The following HCN1 variants were observed in gnomAD, a reference collection of about 807,000 sequenced individuals.
The protein encoded by HCN1 is potassium/sodium hyperpolarization-activated cyclic nucleotide-gated channel 1.
A neutral mutation model predicts 78.9 loss-of-function variants in HCN1; 13 were observed. The observed-to-expected ratio is 0.16, with a 90% CI of 0.11 to 0.26. HCN1 has a LOEUF of 0.26. Ranked by LOEUF, HCN1 falls within the 10% of genes least tolerant of loss-of-function variation. The probability of loss-of-function intolerance (pLI) is 1.00; values close to 1 mark genes in which losing one functional copy is unlikely to be tolerated. For synonymous variants in HCN1, 552 were observed against 455.5 expected (o/e 1.21, Z -2.70); for missense variants, 810 against 1,154.3 (o/e 0.70, Z 4.32).
chr5:45,306,274 T>A (rs557000860), intron 5 of HCN1, among the ~76,000 whole-genome samples: 34 of 152,232 alleles, frequency 2.2e-4, no homozygotes, highest in Non-Finnish European at 4.1e-4. Context: ...TGCAAATGTT[T>A]CACTTCATGG....
intron 3 of HCN1, among the ~76,000 whole-genome samples, chr5:45,443,167 C>A (rs1037120946): frequency 1.3e-5 from 2 of 151,798 alleles, no homozygotes; most frequent in African/African-American, 4.8e-5. Flanking sequence ...TTTTAGATAA[C>A]CATAATATAT....
At chr5:45,654,323 A>T (rs2112045284) in intron 1 of HCN1, among the ~76,000 whole-genome samples, 1 of 152,274 alleles carries the variant, frequency 6.6e-6, no homozygotes, top group African/African-American at 2.4e-5. Context: ...AAAATCCTTA[A>T]TTTAAATTAT....
At chr5:45,349,941 A>T (rs1273194263) in intron 5 of HCN1, among the ~76,000 whole-genome samples, 1 of 152,180 alleles carries the variant, frequency 6.6e-6, no homozygotes, top group African/African-American at 2.4e-5. Context: ...ATTCCACCAG[A>T]GGTACAAGGA....
At chr5:45,373,352 T>G (rs1358941729) in intron 4 of HCN1, among the ~76,000 whole-genome samples, 1 of 119,272 alleles carries the variant, frequency 8.4e-6, no homozygotes, top group African/African-American at 3.3e-5. Flanking sequence ...ATAAAATATA[T>G]ATTTATAAAT....
chr5:45,357,063 G>A (rs1747018831), intron 4 of HCN1, among the ~76,000 whole-genome samples: 1 of 151,858 alleles, frequency 6.6e-6, no homozygotes, highest in Non-Finnish European at 1.5e-5. Context: ...TATCCCACCA[G>A]ATAGACATTG....
intron 4 of HCN1, among the ~76,000 whole-genome samples, chr5:45,394,272 A>G (rs1239816320): frequency 6.6e-6 from 1 of 152,056 alleles, no homozygotes; most frequent in African/African-American, 2.4e-5. Context: ...AGGAGTGCTA[A>G]CAGATTGTCT....
intron 1 of HCN1, among the ~76,000 whole-genome samples, chr5:45,667,013 GA>G (rs1561238504): frequency 6.6e-6 from 1 of 151,944 alleles, no homozygotes; most frequent in Non-Finnish European, 1.5e-5. Flanking sequence ...TTAAAGCTAT[GA>G]AAAAACATGA....
chr5:45,441,736 G>A (rs1383636440), intron 3 of HCN1, among the ~76,000 whole-genome samples: 1 of 152,112 alleles, frequency 6.6e-6, no homozygotes, highest in African/African-American at 2.4e-5. Context: ...CAGGTTCCCC[G>A]AGTCTGGTAA....
At chr5:45,493,592 T>C (rs2111707038) in intron 2 of HCN1, among the ~76,000 whole-genome samples, 1 of 152,018 alleles carries the variant, frequency 6.6e-6, no homozygotes, top group East Asian at 1.9e-4. Flanking sequence ...TTTTAGCTTT[T>C]ATTTTTTTTT....
rs952750502 is a variant in HCN1 at position 45,448,066 on chromosome 5, T to G, written c.1011+13780A>C. ...AACTTTTCCTACATAAGTTTTATAA[T>G]TACCAAATTATAATGATAATTATCT... On this transcript the variant is annotated intron_variant, in intron 3 of 7. Transcript: ENST00000303230. 2.6e-5 allele frequency among the ~76,000 whole-genome samples: 4 copies of G among 151,906 alleles called. No individual in the cohort carries two copies. The South Asian group carries it at 8.3e-4, about 31-fold the overall frequency.
intron 4 of HCN1, among the ~76,000 whole-genome samples, chr5:45,365,949 A>C (rs1462144938): frequency 6.6e-6 from 1 of 151,904 alleles, no homozygotes; most frequent in East Asian, 1.9e-4. Context: ...CCTCCCATTT[A>C]ATTTCTTAAA....
At chr5:45,506,392 C>G (rs1742301631) in intron 2 of HCN1, among the ~76,000 whole-genome samples, 1 of 152,072 alleles carries the variant, frequency 6.6e-6, no homozygotes, top group Non-Finnish European at 1.5e-5. Context: ...AAATCCACCT[C>G]AAATTTGGTC....
chr5:45,405,291 AAG>A (rs2112049987), intron 3 of HCN1, among the ~76,000 whole-genome samples: 1 of 152,300 alleles, frequency 6.6e-6, no homozygotes, highest in East Asian at 1.9e-4. Context: ...CAGTGTCAAA[AAG>A]AGTGTGTTTA....
chr5:45,348,248 T>C (rs988801282), intron 5 of HCN1, among the ~76,000 whole-genome samples: 2 of 152,088 alleles, frequency 1.3e-5, no homozygotes, highest in Non-Finnish European at 2.9e-5. Flanking sequence ...AACCCAGAAT[T>C]TCATATCCAG....
chr5:45,477,367 A>G lies in HCN1; in HGVS notation c.850-15360T>C, dbSNP rs1010517374. ...GATCTAAAGTTTTTCTACAGAAGAAATATCACAAACTAAAGTACCTAAAAA... is the reference window on the plus strand; with the variant it reads ...GATCTAAAGTTTTTCTACAGAAGAAGTATCACAAACTAAAGTACCTAAAAA... On this transcript the variant is annotated intron_variant, in intron 2 of 7. Coordinates refer to ENST00000303230, the MANE Select transcript of HCN1 (RefSeq NM_021072.4). 1.4e-4 allele frequency among the ~76,000 whole-genome samples: 21 copies of G among 152,308 alleles called. No homozygotes were observed. In the South Asian group the frequency reaches 3.7e-3, roughly 27 times the overall value.
At chr5:45,579,051 A>G (rs1157643306) in intron 2 of HCN1, among the ~76,000 whole-genome samples, 2 of 152,068 alleles carry the variant, frequency 1.3e-5, no homozygotes, top group African/African-American at 4.8e-5. Context: ...ATGTTTTTAA[A>G]CCAAACTTTA....
chr5:45,617,545 C>A (rs1352359859), intron 2 of HCN1: 2 of 152,092 alleles, frequency 1.3e-5, no homozygotes, highest in Admixed American at 1.3e-4. Flanking sequence ...ATTCCATTGG[C>A]ATGAACTTGG....
intron 4 of HCN1, among the ~76,000 whole-genome samples, chr5:45,363,132 T>TTATATATATATA (rs1221938939): frequency 8.6e-6 from 1 of 116,064 alleles, no homozygotes; most frequent in African/African-American, 3.6e-5. Flanking sequence ...ATATAACATA[T>TTATATATATATA]TATATATATA....
At chr5:45,470,795 A>G (rs958794740) in intron 2 of HCN1, among the ~76,000 whole-genome samples, 9 of 151,992 alleles carry the variant, frequency 5.9e-5, no homozygotes, top group African/African-American at 2.2e-4. Flanking sequence ...ACGGCTTATG[A>G]CAACATCTTC....
Sources: gnomAD v4.1 joint callset for allele counts (sites outside exome capture counted in the v4.1 genomes callset) on GRCh38, gnomAD v4.1.1 for gene constraint, MANE v1.5 for transcripts, NCBI Gene and HGNC (gene_info 2026-07-23, HGNC 2026-07-21) for gene names.